Variants in GLT1D1 observed in about 807,000 individuals in gnomAD.
GLT1D1 encodes glycosyltransferase 1 domain containing 1.
Under a neutral mutation model 28.7 loss-of-function variants are expected in GLT1D1, and 21 were observed. The observed-to-expected ratio is 0.73, with a 90% CI of 0.52 to 1.05. GLT1D1 has a LOEUF of 1.05. Ranked by LOEUF, GLT1D1 falls within the 50% of genes least tolerant of loss-of-function variation. GLT1D1 has a pLI of 0.00. For synonymous variants in GLT1D1, 147 were observed against 124.8 expected (o/e 1.18, Z -1.19); for missense variants, 343 against 330.6 (o/e 1.04, Z -0.29).
chr12:128,971,222 C>T (rs866221863), intron 7 of GLT1D1, among the ~76,000 whole-genome samples: 1 of 152,206 alleles, frequency 6.6e-6, no homozygotes, highest in Non-Finnish European at 1.5e-5. Flanking sequence ...GGATCGCCTA[C>T]TCCTGCCTGG....
chr12:128,978,197 G>A (rs1879970528), intron 7 of GLT1D1, among the ~76,000 whole-genome samples: 1 of 152,096 alleles, frequency 6.6e-6, no homozygotes, highest in East Asian at 1.9e-4. Flanking sequence ...GTGGCTGTCA[G>A]CCAATCGGCT....
At chr12:128,941,818 A>AT (rs1395288671) in intron 4 of GLT1D1, among the ~76,000 whole-genome samples, 2 of 147,738 alleles carry the variant, frequency 1.4e-5, no homozygotes, top group Non-Finnish European at 3.0e-5. Context: ...TGATCACATG[A>AT]TCCCCCCTCC....
Position 128,942,739 on chromosome 12 carries a change from G to GTTTTTT in GLT1D1, c.376-2584_376-2583insTTTTTT, listed in dbSNP as rs199567989. ...CTTTAGATTCCAATTTTCTTTGTTT[G>GTTTTTT]TTTGTTTTTGTTTTTTGTTTTTTTT... On this transcript the variant is annotated intron_variant, in intron 4 of 7. Coordinates refer to ENST00000281703, the MANE Select transcript of GLT1D1 (RefSeq NM_144669.3). 6.3e-3 allele frequency among the ~76,000 whole-genome samples: 645 copies of GTTTTTT among 102,322 alleles called. 59 individuals are homozygous for GTTTTTT. The highest frequency in any genetic ancestry group is 9.5e-3 in the Non-Finnish European group (513 of 54,202). 67.1% of individuals were successfully genotyped at this position (102,322 alleles called of 152,430 possible). A position where few individuals can be genotyped will look rare whatever the true frequency, so the allele number is the denominator to read the frequency against.
At chr12:128,910,428 G>A (rs1871389955) in intron 4 of GLT1D1, among the ~76,000 whole-genome samples, 1 of 151,978 alleles carries the variant, frequency 6.6e-6, no homozygotes, top group Non-Finnish European at 1.5e-5. Flanking sequence ...TGCTGAATCT[G>A]TTATTGTCAA....
At chr12:128,939,001 C>A (rs1874842313) in intron 4 of GLT1D1, among the ~76,000 whole-genome samples, 1 of 152,054 alleles carries the variant, frequency 6.6e-6, no homozygotes, top group Non-Finnish European at 1.5e-5. Context: ...TGAAACAGCA[C>A]CCTAGGAAGG....
intron 2 of GLT1D1, among the ~76,000 whole-genome samples, chr12:128,883,667 G>C (rs1957116583): frequency 6.6e-6 from 1 of 152,026 alleles, no homozygotes; most frequent in East Asian, 1.9e-4. Flanking sequence ...CCGATTACTG[G>C]GAGAGACAAA....
At chr12:128,853,715 CG>C in intron 1 of GLT1D1, 66 bp downstream of exon 1, 6 of 965,096 alleles carry the variant, frequency 6.2e-6, no homozygotes, top group South Asian at 4.8e-5. Context: ...ACGCGGGACC[CG>C]GGGACGCGGG....
intron 4 of GLT1D1, among the ~76,000 whole-genome samples, chr12:128,935,555 A>G (rs1874464174): frequency 6.6e-6 from 1 of 150,534 alleles, no homozygotes. Context: ...AAAAAAAAAA[A>G]GAACAATAGA....
chr12:128,973,310 G>GT (rs1287966191), intron 7 of GLT1D1, among the ~76,000 whole-genome samples: 1 of 143,318 alleles, frequency 7.0e-6, no homozygotes, highest in Non-Finnish European at 1.5e-5. Context: ...AGCCTCCCCA[G>GT]TAGCTGGGAT....
At chr12:128,955,664 C>T (rs913499403) in intron 6 of GLT1D1, among the ~76,000 whole-genome samples, 15 of 152,092 alleles carry the variant, frequency 9.9e-5, no homozygotes, top group Admixed American at 3.9e-4. Flanking sequence ...TCCTTGAGAA[C>T]ATACTGATAG....
intron 3 of GLT1D1, 124 bp from the exon 4 acceptor site, chr12:128,899,112 A>G (rs538832123): frequency 2.8e-6 from 2 of 717,582 alleles, no homozygotes; most frequent in East Asian, 5.3e-5. Flanking sequence ...AGTAATAAAG[A>G]TTGATTGCAT....
intron 2 of GLT1D1, 75 bp downstream of exon 2, chr12:128,876,137 C>T (rs571973258): frequency 6.0e-5 from 79 of 1,306,842 alleles, no homozygotes; most frequent in Admixed American, 2.0e-4. Context: ...TCCAATAACA[C>T]GGGAAACAGT....
rs1441343470 is a variant in GLT1D1 at position 128,874,114 on chromosome 12, CTCTCTCTCTCTCTTTCTT to C, written c.69-1796_69-1779del. On this transcript the variant is annotated intron_variant, in intron 1 of 7. Transcript: ENST00000281703. ...TTTCTTTCTTTCTCTCTCTCTCTCTCTCTCTCTCTCTCTTTCTTTCTTTCTTTCTTTCTTTCTTTCTTT... is the reference window on the plus strand; with the variant it reads ...TTTCTTTCTTTCTCTCTCTCTCTCTCTCTTTCTTTCTTTCTTTCTTTCTTT... Among the ~76,000 whole-genome samples the C allele has an allele frequency of 1.7e-3, 110 of 62,924 alleles. 1 individual carries two copies. The highest frequency in any genetic ancestry group is 5.7e-3 in the African/African-American group (83 of 14,554). 41.3% of individuals were successfully genotyped at this position (62,924 alleles called of 152,430 possible). A position where few individuals can be genotyped will look rare whatever the true frequency, so the allele number is the denominator to read the frequency against.
intron 6 of GLT1D1, among the ~76,000 whole-genome samples, chr12:128,951,709 G>T (rs755778911): frequency 6.6e-6 from 1 of 152,180 alleles, no homozygotes; most frequent in African/African-American, 2.4e-5. Context: ...CCCAGGCACC[G>T]CCCGTCTCCC....
intron 1 of GLT1D1, among the ~76,000 whole-genome samples, chr12:128,864,408 G>C (rs1407776314): frequency 6.6e-6 from 1 of 151,958 alleles, no homozygotes; most frequent in Non-Finnish European, 1.5e-5. Flanking sequence ...AAGCAGAAGG[G>C]CTGGTTAGCG....
intron 1 of GLT1D1, among the ~76,000 whole-genome samples, chr12:128,867,031 C>G (rs73153408): frequency 2.0e-5 from 3 of 152,138 alleles, no homozygotes; most frequent in Admixed American, 2.0e-4. Flanking sequence ...GTTTTCCTCC[C>G]GAGCAAAAAC....
intron 7 of GLT1D1, 92 bp from the exon 12 acceptor site, chr12:128,982,837 C>A: frequency 1.7e-6 from 2 of 1,201,790 alleles, no homozygotes; most frequent in Non-Finnish European, 2.4e-6. Context: ...AAGGGCAAGG[C>A]CAGCAGCCAA....
intron 7 of GLT1D1, among the ~76,000 whole-genome samples, chr12:128,958,138 C>T (rs1877486999): frequency 6.6e-6 from 1 of 152,198 alleles, no homozygotes; most frequent in South Asian, 2.1e-4. Context: ...CCAGTAACTT[C>T]TGGGGCACAC....
intron 7 of GLT1D1, among the ~76,000 whole-genome samples, chr12:128,977,844 G>A (rs954742361): frequency 5.4e-5 from 8 of 147,524 alleles, no homozygotes; most frequent in Admixed American, 2.1e-4. Flanking sequence ...AATGAATGGC[G>A]CTATCTCAGC....
Sources: allele counts gnomAD v4.1 joint callset (sites outside exome capture counted in the v4.1 genomes callset), GRCh38; gene constraint gnomAD v4.1.1; transcripts MANE v1.5; gene names NCBI Gene and HGNC (gene_info 2026-07-23, HGNC 2026-07-21).